ERBB4: variants seen among roughly 807,000 people sequenced by gnomAD.
The protein encoded by ERBB4 is erb-b2 receptor tyrosine kinase 4, also known as receptor tyrosine-protein kinase erbB-4.
In ERBB4, 42 loss-of-function variants were observed where a neutral mutation model predicts 158.0. The ratio of observed to expected loss-of-function variants is 0.27; its 90% CI spans 0.21 to 0.34. ERBB4 has a LOEUF of 0.34. ERBB4 is among the 10% of genes least tolerant of loss of function. ERBB4 has a pLI of 1.00. For synonymous variants in ERBB4, 583 were observed against 558.7 expected (o/e 1.04, Z -0.61); for missense variants, 1,333 against 1,624.1 (o/e 0.82, Z 3.08).
chr2:211,580,886 T>C (rs781000261), intron 19 of ERBB4, among the ~76,000 whole-genome samples: 59 of 2,364 alleles, frequency 0.025, 17 homozygotes, highest in African/African-American at 0.087. Flanking sequence ...TATATATATA[T>C]ATATATATAT....
intron 3 of ERBB4, among the ~76,000 whole-genome samples, chr2:211,825,581 T>A (rs1269383251): frequency 1.3e-5 from 2 of 151,606 alleles, no homozygotes; most frequent in Non-Finnish European, 3.0e-5. Flanking sequence ...ATTCAGTCAC[T>A]TTTATTAAAT....
At chr2:212,434,929 A>C (rs1365198656) in intron 1 of ERBB4, among the ~76,000 whole-genome samples, 2 of 152,058 alleles carry the variant, frequency 1.3e-5, no homozygotes, top group Non-Finnish European at 2.9e-5. Context: ...AAGAAAAGAA[A>C]ATTTTCAAGA....
rs151003183 is a variant in ERBB4 at position 212,503,283 on chromosome 2, A to T, written c.82+35166T>A. Among the ~76,000 whole-genome samples the T allele has an allele frequency of 1.3e-4, 20 of 152,342 alleles. No homozygotes were observed. The East Asian group carries it at 3.9e-3, about 29-fold the overall frequency. ...AGTTATATCATTTTAGAGTTACCAA[A>T]TCAAAATATGATGTTAAGGTTTTTA... On this transcript the variant is annotated intron_variant, in intron 1 of 27. Coordinates refer to ENST00000342788, the MANE Select transcript of ERBB4 (RefSeq NM_005235.3).
intron 3 of ERBB4, among the ~76,000 whole-genome samples, chr2:211,912,175 G>A (rs78334530): frequency 0.094 from 14,364 of 152,126 alleles, 823 homozygotes; most frequent in African/African-American, 0.14. Context: ...ACAAGATATA[G>A]TGAATGTTAG....
chr2:211,394,677 G>C (rs2062873163), intron 25 of ERBB4, among the ~76,000 whole-genome samples: 2 of 152,016 alleles, frequency 1.3e-5, no homozygotes, highest in African/African-American at 2.4e-5. Context: ...TGTAAATTCT[G>C]GAGTAGCCTA....
chr2:212,310,033 A>G (rs4426476), intron 1 of ERBB4, among the ~76,000 whole-genome samples: 104,291 of 149,974 alleles, frequency 0.7, 40,357 homozygotes, highest in East Asian at 0.87. Flanking sequence ...AACTGATTCT[A>G]TAGAAATAGA....
At chr2:211,501,944 G>C (rs1358096235) in intron 20 of ERBB4, among the ~76,000 whole-genome samples, 2 of 152,032 alleles carry the variant, frequency 1.3e-5, no homozygotes, top group African/African-American at 4.8e-5. Context: ...GGCTATATTT[G>C]TTGTTCCTCC....
intron 1 of ERBB4, among the ~76,000 whole-genome samples, chr2:212,164,055 G>A (rs2081278314): frequency 6.6e-6 from 1 of 152,024 alleles, no homozygotes; most frequent in African/African-American, 2.4e-5. Context: ...TCCTGTATCA[G>A]ACTCCCAAAG....
chr2:212,419,103 C>T (rs1159602969), intron 1 of ERBB4, among the ~76,000 whole-genome samples: 1 of 144,028 alleles, frequency 6.9e-6, no homozygotes, highest in East Asian at 1.9e-4. Flanking sequence ...ACTCTTCCTT[C>T]ATTTTTTTTT....
At chr2:212,025,038 G>A (rs762413231) in intron 2 of ERBB4, among the ~76,000 whole-genome samples, 32 of 151,790 alleles carry the variant, frequency 2.1e-4, no homozygotes, top group Non-Finnish European at 3.5e-4. Context: ...ATTAATGTAA[G>A]CATATAGTAG....
intron 1 of ERBB4, among the ~76,000 whole-genome samples, chr2:212,323,074 A>G (rs534927335): frequency 8.6e-5 from 13 of 150,676 alleles, no homozygotes; most frequent in Admixed American, 7.3e-4. Context: ...GTAATCCTTT[A>G]TACACTAGAA....
chr2:211,629,780 A>T (rs1318861603), intron 17 of ERBB4, among the ~76,000 whole-genome samples: 1 of 151,982 alleles, frequency 6.6e-6, no homozygotes, highest in Non-Finnish European at 1.5e-5. Flanking sequence ...AAACCTGACA[A>T]AAACAAGAAA....
chr2:211,804,943 G>A (rs1346793094), intron 3 of ERBB4, among the ~76,000 whole-genome samples: 1 of 135,380 alleles, frequency 7.4e-6, no homozygotes, highest in Non-Finnish European at 1.6e-5. Context: ...TTTTTGAGAT[G>A]GTGTGTTGCT....
At chr2:212,056,326 A>T (rs1010303445) in intron 2 of ERBB4, among the ~76,000 whole-genome samples, 5 of 152,210 alleles carry the variant, frequency 3.3e-5, no homozygotes, top group African/African-American at 1.2e-4. Context: ...AGTGACGGGG[A>T]GAATGGAACC....
In ERBB4 at chr2:212,333,693, C is replaced by CAAAAAAAAA. The variant is rs11312810; in HGVS notation, c.82+204747_82+204755dup. On this transcript the variant is annotated intron_variant, in intron 1 of 27. Coordinates refer to ENST00000342788, the MANE Select transcript of ERBB4 (RefSeq NM_005235.3). ...TGGGTGATGGAGTGAGATTCTGTAC[C>CAAAAAAAAA]AAAAAAAAAAAATCCTTCCTTGGTC... is the stretch of plus-strand genomic sequence containing the variant. Among the ~76,000 whole-genome samples, 105 of 147,530 alleles carry CAAAAAAAAA rather than the reference C, an allele frequency of 7.1e-4. 1 individual carries two copies. Among genetic ancestry groups the CAAAAAAAAA allele is most frequent in the African/African-American group, 2.6e-3 (101 of 39,564 alleles).
intron 1 of ERBB4, among the ~76,000 whole-genome samples, chr2:212,169,485 C>T (rs935458861): frequency 1.3e-5 from 2 of 152,022 alleles, no homozygotes; most frequent in Non-Finnish European, 2.9e-5. Context: ...TGGATTTCTT[C>T]CTAACACCAT....
intron 3 of ERBB4, 150 bp downstream of exon 3, chr2:211,947,280 G>A (rs1053836331): frequency 1.5e-6 from 1 of 684,598 alleles, no homozygotes; most frequent in Non-Finnish European, 2.5e-6. Context: ...GGGCATCACA[G>A]GGCATCATTG....
Position 211,383,604 on chromosome 2 carries a change from C to T in ERBB4, c.*11G>A, listed in dbSNP as rs772930625. The T allele has an allele frequency of 1.2e-6, 2 of 1,611,446 alleles. No homozygotes were observed. Among genetic ancestry groups the T allele is most frequent in the Admixed American group, 1.7e-5 (1 of 60,002 alleles). The stretch of plus-strand genomic sequence containing the variant: ...AGGTGTGTCTCTCCACCTAAAAAAC[C>T]ACAACTGAGCTTACACCACAGTATT... On this transcript the variant is annotated 3_prime_UTR_variant, in exon 28 of 28. Coordinates refer to ENST00000342788, the MANE Select transcript of ERBB4 (RefSeq NM_005235.3).
intron 1 of ERBB4, among the ~76,000 whole-genome samples, chr2:212,326,543 A>G (rs745533006): frequency 4.0e-5 from 6 of 150,766 alleles, no homozygotes; most frequent in African/African-American, 9.7e-5. Context: ...CTCCTTACAT[A>G]TTTTCGCATC....
Sources: gnomAD v4.1 joint callset for allele counts (sites outside exome capture counted in the v4.1 genomes callset) on GRCh38, gnomAD v4.1.1 for gene constraint, MANE v1.5 for transcripts, NCBI Gene and HGNC (gene_info 2026-07-23, HGNC 2026-07-21) for gene names.